The following TNRC6C variants were observed in gnomAD, a reference collection of about 807,000 sequenced individuals.
The protein encoded by TNRC6C is trinucleotide repeat containing adaptor 6C.
TNRC6C carries 20 observed loss-of-function variants against 153.7 expected under a neutral mutation model. The observed-to-expected ratio is 0.13, with a 90% CI of 0.09 to 0.19. TNRC6C has a LOEUF of 0.19. TNRC6C is among the 10% of genes least tolerant of loss of function. The pLI, the probability that TNRC6C is intolerant of heterozygous loss-of-function variation, is 1.00. For missense variants in TNRC6C, 1,987 were observed against 2,172.0 expected, an observed-to-expected ratio of 0.91 and a Z score of 1.69; for synonymous variants, 811 against 841.4, an observed-to-expected ratio of 0.96 and a Z score of 0.63.
chr17:77,988,622 G>T (rs1379824085), intron 1 of TNRC6C, among the ~76,000 whole-genome samples: 1 of 152,164 alleles, frequency 6.6e-6, no homozygotes, highest in Non-Finnish European at 1.5e-5. Context: ...GCTATTATTT[G>T]TATTTCAAAC....
At chr17:78,100,499 GC>G in intron 17 of TNRC6C, among the ~76,000 whole-genome samples, 1 of 152,316 alleles carries the variant, frequency 6.6e-6, no homozygotes, top group South Asian at 2.1e-4. Flanking sequence ...CTGTACCTTG[GC>G]CCCTTTCAGT....
Position 77,959,756 on chromosome 17 carries a change from C to G in TNRC6C, c.-38+488C>G, listed in dbSNP as rs188339218. ...GCGGCTCTGAAATCAGGTGGATTTT[C>G]TAACGGTGCTGCGGACTGCGGAGTA... On this transcript the variant is annotated intron_variant, in intron 1 of 22. Transcript: ENST00000636222. Among the ~76,000 whole-genome samples, 257 of 152,242 alleles carry G rather than the reference C, an allele frequency of 1.7e-3. 1 individual carries two copies. The highest frequency in any genetic ancestry group is 5.7e-3 in the African/African-American group (236 of 41,540).
chr17:77,975,211 CA>C (rs1435721653), intron 1 of TNRC6C, among the ~76,000 whole-genome samples: 1 of 151,962 alleles, frequency 6.6e-6, no homozygotes, highest in Admixed American at 6.6e-5. Context: ...TCAAAAGAAT[CA>C]AATACGTTAT....
intron 8 of TNRC6C, among the ~76,000 whole-genome samples, chr17:78,076,339 G>A (rs983351699): frequency 1.3e-5 from 2 of 152,166 alleles, no homozygotes; most frequent in South Asian, 4.1e-4. Context: ...CAGCTGTGGG[G>A]TAGCCCAGGG....
At chr17:77,976,931 GAAAAAAAA>G (rs57726847) in intron 1 of TNRC6C, among the ~76,000 whole-genome samples, 4,362 of 46,492 alleles carry the variant, frequency 0.094, 55 homozygotes, top group South Asian at 0.15. Flanking sequence ...CTCCATCTCA[GAAAAAAAA>G]AAAAAAAAAA....
chr17:77,970,283 T>C (rs188691521), intron 1 of TNRC6C, among the ~76,000 whole-genome samples: 3 of 152,264 alleles, frequency 2.0e-5, no homozygotes, highest in African/African-American at 7.2e-5. Context: ...TCTCACTCTG[T>C]TGCCCAGGCT....
upstream of TNRC6C, among the ~76,000 whole-genome samples, chr17:78,001,782 G>C (rs1256788241): frequency 6.6e-6 from 1 of 152,116 alleles, no homozygotes; most frequent in East Asian, 1.9e-4. Flanking sequence ...GTGGGTCATG[G>C]GGGGAGGAGA....
At position 78,075,476 on chromosome 17, in the gene TNRC6C, GAA is replaced by G; in HGVS notation, c.3060+202_3060+203del. 1.6e-6 allele frequency: 1 copy of G among 643,132 alleles called. No individual in the cohort carries two copies. The highest frequency in any genetic ancestry group is 2.5e-6 in the Non-Finnish European group (1 of 398,088). The allele number at this position is 643,132 out of a possible 1,614,324, so 39.8% of individuals were successfully genotyped here. ...TATTTCATAAGATGTTACTGAGAAT[GAA>G]AAAGACTGGGATTGAAAACTGATTT... On this transcript the variant is annotated intron_variant, in intron 8 of 19. Coordinates refer to ENST00000301624, the Ensembl canonical transcript of TNRC6C. The surrounding 1 kb of genome is among the most constrained non-coding windows in gnomAD (Gnocchi z 4.2).
intron 17 of TNRC6C, among the ~76,000 whole-genome samples, chr17:78,101,544 C>T (rs1173673943): frequency 2.6e-5 from 4 of 152,142 alleles, no homozygotes; most frequent in African/African-American, 9.7e-5. Context: ...AAGACACACA[C>T]ACAGAAATAG....
At chr17:78,027,469 A>G (rs1036645896) in intron 1 of TNRC6C, among the ~76,000 whole-genome samples, 2 of 152,176 alleles carry the variant, frequency 1.3e-5, no homozygotes, top group Non-Finnish European at 2.9e-5. Flanking sequence ...TTTTATATTC[A>G]GTTCCATCAT....
chr17:77,965,060 A>G (rs927092729), intron 1 of TNRC6C, among the ~76,000 whole-genome samples: 3 of 152,338 alleles, frequency 2.0e-5, no homozygotes, highest in East Asian at 1.9e-4. Context: ...AGCATTTACA[A>G]TGTGATTATG....
At chr17:78,106,889 A>C (rs933536769) in exon 20 of TNRC6C, 15 of 151,872 alleles carry the variant, frequency 9.9e-5, no homozygotes, top group African/African-American at 2.9e-4. Context: ...AAATACAAAA[A>C]AAAAAAAAAA....
rs910351790 is a variant in TNRC6C, at chr17:78,075,831, G to A, written c.3060+553G>A. ...CATGCCAGACTGGTGTGACTGCAAA[G>A]CGGAGAAAAGCATTGCACTAAATTC... On this transcript the variant is annotated intron_variant, in intron 8 of 19. Coordinates refer to ENST00000301624, the Ensembl canonical transcript of TNRC6C. The surrounding 1 kb of genome is among the most constrained non-coding windows in gnomAD (Gnocchi z 4.2). Among the ~76,000 whole-genome samples, 1 of 152,084 alleles carries A rather than the reference G, an allele frequency of 6.6e-6. No homozygotes were observed. Among genetic ancestry groups the A allele is most frequent in the African/African-American group, 2.4e-5 (1 of 41,402 alleles).
At chr17:78,014,098 G>C (rs913231006) in intron 1 of TNRC6C, among the ~76,000 whole-genome samples, 8 of 152,154 alleles carry the variant, frequency 5.3e-5, no homozygotes, top group African/African-American at 1.9e-4. Flanking sequence ...TAAGATTACT[G>C]CTATTTCCCA....
exon 20 of TNRC6C, chr17:78,105,134 A>C: frequency 3.0e-6 from 1 of 331,034 alleles, no homozygotes. Flanking sequence ...TTTTTTAAGT[A>C]TAAAAGCTGC....
In TNRC6C at chr17:78,060,468, C is replaced by CTT. The variant is rs975826787; in HGVS notation, c.2396-4234_2396-4233dup. ...ATCGATTGCATTTTTAATCGTTTAT[C>CTT]TTTTTTTTTTTTTTTTTTTTTGAGA... is the stretch of plus-strand genomic sequence containing the variant. On this transcript the variant is annotated intron_variant, in intron 3 of 19. Transcript: ENST00000301624. Among the ~76,000 whole-genome samples, 177 of 125,920 alleles carry CTT rather than the reference C, an allele frequency of 1.4e-3. 1 individual carries two copies. The highest frequency in any genetic ancestry group is 1.9e-3 in the Non-Finnish European group (111 of 59,662). The allele number at this position is 125,920 out of a possible 152,430, so 82.6% of individuals were successfully genotyped here.
At chr17:77,975,613 G>A (rs757955589) in intron 1 of TNRC6C, among the ~76,000 whole-genome samples, 84 of 151,842 alleles carry the variant, frequency 5.5e-4, no homozygotes, top group Non-Finnish European at 7.8e-4. Context: ...TTCTTTTTTG[G>A]GTAAAATCTG....
intron 17 of TNRC6C, among the ~76,000 whole-genome samples, chr17:78,099,267 C>T (rs770424028): frequency 5.9e-5 from 9 of 152,202 alleles, no homozygotes; most frequent in Non-Finnish European, 1.2e-4. Context: ...ATGCTTGAGC[C>T]ACTGCACTCC....
At chr17:77,970,757 C>T (rs1209344308) in intron 1 of TNRC6C, among the ~76,000 whole-genome samples, 1 of 152,030 alleles carries the variant, frequency 6.6e-6, no homozygotes, top group Admixed American at 6.6e-5. Context: ...CAAGGTGGCC[C>T]AGGGAAGTCA....
Sources: allele counts gnomAD v4.1 joint callset (sites outside exome capture counted in the v4.1 genomes callset), GRCh38; gene constraint gnomAD v4.1.1; non-coding constraint Gnocchi (gnomAD v3.1); transcripts MANE v1.5; gene names NCBI Gene and HGNC (gene_info 2026-07-23, HGNC 2026-07-21).